CTDP1: variants seen among roughly 807,000 people sequenced by gnomAD.
CTDP1 encodes the protein RNA polymerase II subunit A C-terminal domain phosphatase.
A neutral mutation model predicts 91.8 loss-of-function variants in CTDP1; 47 were observed. The observed-to-expected ratio is 0.51, with a 90% CI of 0.41 to 0.65. The LOEUF (loss-of-function observed/expected upper bound fraction) is 0.65. Ranked by LOEUF, CTDP1 falls within the 30% of genes least tolerant of loss-of-function variation. The pLI is 0.00. For missense variants in CTDP1, 1,272 were observed against 1,373.7 expected, an observed-to-expected ratio of 0.93 and a Z score of 1.17; for synonymous variants, 656 against 598.5, an observed-to-expected ratio of 1.10 and a Z score of -1.40.
chr18:79,715,525 G>A lies in CTDP1; in HGVS notation c.2065G>A (p.Ala689Thr). The A allele has an allele frequency of 6.5e-7, 1 of 1,547,544 alleles. No individual in the cohort carries two copies. Among genetic ancestry groups the A allele is most frequent in the Non-Finnish European group, 8.7e-7 (1 of 1,150,432 alleles). The change falls in exon 8 of 13, where the codon GCT becomes ACT. Residue 689 changes from alanine to threonine, a missense_variant. Ala to Thr is a moderately conservative substitution (Grantham distance 58). Coordinates refer to ENST00000613122, the MANE Select transcript of CTDP1 (RefSeq NM_004715.5). ...GGCCACGCACCTGATCGCCGCGCGA[G>A]CTGGTGAGTGCTGCCTCCCTGTGCC... is the stretch of plus-strand genomic sequence containing the variant. ...DRATHLIAAR[A>T]GTEKVLQAQE...
At chr18:79,721,981 G>C (rs904948373) in intron 10 of CTDP1, among the ~76,000 whole-genome samples, 5 of 152,044 alleles carry the variant, frequency 3.3e-5, no homozygotes, top group African/African-American at 9.7e-5. Flanking sequence ...GTGCCACCAC[G>C]CCTGGCTAAT....
intron 4 of CTDP1, among the ~76,000 whole-genome samples, chr18:79,699,405 T>C (rs950149646): frequency 9.9e-5 from 15 of 151,930 alleles, no homozygotes; most frequent in African/African-American, 3.6e-4. Flanking sequence ...GGACTACAGG[T>C]GCCCGCCACC....
chr18:79,715,668 TC>T (rs1273397282), intron 8 of CTDP1, 140 bp downstream of exon 8: 1 of 979,354 alleles, frequency 1.0e-6, no homozygotes, highest in Admixed American at 2.6e-5. Context: ...TAAGAATAGA[TC>T]ATGACAGTGG....
upstream of CTDP1, chr18:79,678,032 G>C (rs1187453088): frequency 6.6e-6 from 1 of 152,212 alleles, no homozygotes; most frequent in East Asian, 1.9e-4. Context: ...GTAGGGGCTG[G>C]AGAAAGCAGC....
chr18:79,682,024 A>C (rs1438163771), intron 1 of CTDP1, among the ~76,000 whole-genome samples: 3 of 152,162 alleles, frequency 2.0e-5, no homozygotes, highest in Non-Finnish European at 4.4e-5. Context: ...GGAAGGAGCG[A>C]CTGGAAGGGC....
chr18:79,747,123 C>G (rs1018946416), intron 12 of CTDP1, among the ~76,000 whole-genome samples: 1 of 152,080 alleles, frequency 6.6e-6, no homozygotes, highest in Non-Finnish European at 1.5e-5. Context: ...TTTTTCCAGT[C>G]CTTTCATACC....
chr18:79,704,263 C>T (rs2085917670), intron 4 of CTDP1, among the ~76,000 whole-genome samples: 1 of 152,234 alleles, frequency 6.6e-6, no homozygotes, highest in African/African-American at 2.4e-5. Context: ...GGCGGACATG[C>T]GTCCTCTGTC....
intron 11 of CTDP1, among the ~76,000 whole-genome samples, chr18:79,734,695 T>A (rs904492798): frequency 6.6e-6 from 1 of 152,264 alleles, no homozygotes; most frequent in African/African-American, 2.4e-5. Context: ...TTTTCTCTCT[T>A]GACAAGGTAT....
chr18:79,744,331 A>C (rs144664810), intron 12 of CTDP1, among the ~76,000 whole-genome samples: 1 of 151,916 alleles, frequency 6.6e-6, no homozygotes, highest in African/African-American at 2.4e-5. Context: ...TTTTAAGTTA[A>C]GTGAGACCTG....
chr18:79,748,897 CCG>C (rs1301556288), intron 12 of CTDP1, among the ~76,000 whole-genome samples: 8 of 113,668 alleles, frequency 7.0e-5, no homozygotes, highest in African/African-American at 3.4e-4. Context: ...TGTGTGTTTG[CCG>C]TGTCTGTGTG....
rs1645302511 is a variant in CTDP1, at chr18:79,714,693, G to A, written c.1233G>A (p.Gln411=). 1 of 1,609,820 alleles carries A rather than the reference G, an allele frequency of 6.2e-7. No individual in the cohort carries two copies. Among genetic ancestry groups the A allele is most frequent in the Non-Finnish European group, 8.5e-7 (1 of 1,178,642 alleles). Residue 411 remains glutamine, a synonymous_variant, in exon 8 of 13, where the codon CAG becomes CAA. Transcript: ENST00000613122. ...AGAGGGACATCTGGCCCCCTGCCCA[G>A]GCCCCCACCAGCAGCCAAGAGCTGG... ...PDERDIWPPA[Q]APTSSQELAG...
intron 1 of CTDP1, among the ~76,000 whole-genome samples, chr18:79,692,681 G>A (rs2085649763): frequency 6.6e-6 from 1 of 151,566 alleles, no homozygotes; most frequent in Non-Finnish European, 1.5e-5. Context: ...AGGGGGTAGA[G>A]CGAGGAGCCC....
intron 3 of CTDP1, 26 bp from the exon 4 acceptor site, chr18:79,697,834 C>T: frequency 1.2e-6 from 2 of 1,613,852 alleles, no homozygotes; most frequent in Non-Finnish European, 1.7e-6. Context: ...CTGACTTTGT[C>T]ATTTCTTGTT....
intron 4 of CTDP1, 72 bp downstream of exon 4, chr18:79,698,060 T>C: frequency 6.3e-7 from 1 of 1,586,426 alleles, no homozygotes; most frequent in Non-Finnish European, 8.6e-7. Context: ...CAGAAGTGTG[T>C]TCTCTTGTTT....
At chr18:79,728,379 C>T (rs1485696555) in intron 10 of CTDP1, among the ~76,000 whole-genome samples, 1 of 152,210 alleles carries the variant, frequency 6.6e-6, no homozygotes, top group African/African-American at 2.4e-5. Context: ...GCTTTACAAG[C>T]ATGAGCCACC....
intron 11 of CTDP1, among the ~76,000 whole-genome samples, chr18:79,733,764 C>T (rs969563586): frequency 6.6e-6 from 1 of 152,174 alleles, no homozygotes; most frequent in Non-Finnish European, 1.5e-5. Flanking sequence ...CTCACTCCAG[C>T]GCAGAGCTGG....
Position 79,680,007 on chromosome 18 carries a change from C to A in CTDP1, c.60C>A (p.Ala20=), listed in dbSNP as rs1352131215. ...PAEGAPTAAV[A]EVRCPGPAPL... ...AGGGCGCCCCGACGGCGGCTGTGGC[C>A]GAGGTGCGCTGCCCGGGGCCCGCGC... Residue 20 remains alanine, a synonymous_variant, in exon 1 of 13, where the codon GCC becomes GCA. Transcript: ENST00000613122. 1.5e-6 allele frequency: 2 copies of A among 1,312,218 alleles called. No individual in the cohort carries two copies. The highest frequency in any genetic ancestry group is 1.9e-6 in the Non-Finnish European group (2 of 1,031,482). The allele number at this position is 1,312,218 out of a possible 1,614,324, so 81.3% of individuals were successfully genotyped here. A position where few individuals can be genotyped will look rare whatever the true frequency, so the allele number is the denominator to read the frequency against.
intron 10 of CTDP1, among the ~76,000 whole-genome samples, chr18:79,718,313 T>C (rs1239641498): frequency 1.3e-5 from 2 of 152,222 alleles, no homozygotes; most frequent in African/African-American, 4.8e-5. Flanking sequence ...CACTCGGTCC[T>C]GGGAACACTC....
intron 1 of CTDP1, chr18:79,681,425 T>A (rs1255734298): frequency 7.1e-6 from 7 of 982,740 alleles, no homozygotes; most frequent in Non-Finnish European, 8.5e-6. Context: ...GCTGGTGTAT[T>A]CCCTGGACAG....
Sources: allele counts gnomAD v4.1 joint callset (sites outside exome capture counted in the v4.1 genomes callset), GRCh38; gene constraint gnomAD v4.1.1; transcripts MANE v1.5; gene names NCBI Gene and HGNC (gene_info 2026-07-23, HGNC 2026-07-21).